The following KCNG4 variants were observed in gnomAD, a reference collection of about 807,000 sequenced individuals.
KCNG4 encodes the protein potassium voltage-gated channel modifier subfamily G member 4.
In KCNG4, 30 loss-of-function variants were observed where a neutral mutation model predicts 28.2. The observed-to-expected ratio is 1.06, with a 90% CI of 0.80 to 1.44. The LOEUF (loss-of-function observed/expected upper bound fraction) is 1.44. Ranked by LOEUF, KCNG4 falls within the 40% of genes most tolerant of loss-of-function variation. The pLI is 0.00. For missense variants in KCNG4, 879 were observed against 712.3 expected, an observed-to-expected ratio of 1.23 and a Z score of -2.66; for synonymous variants, 375 against 315.5, an observed-to-expected ratio of 1.19 and a Z score of -2.00.
chr16:84,237,614 T>C, intron 1 of KCNG4, 89 bp from the exon 2 acceptor site: 1 of 858,238 alleles, frequency 1.2e-6, no homozygotes, highest in Non-Finnish European at 1.6e-6. Flanking sequence ...CAGATGTTCT[T>C]ACGTGTGCTT....
Position 84,222,241 on chromosome 16 carries a change from T to C in KCNG4, c.1536A>G (p.Pro512=). The C allele has an allele frequency of 6.2e-7, 1 of 1,614,154 alleles. No individual in the cohort carries two copies. The stretch of plus-strand genomic sequence containing the variant: ...GTTACATGTGCATGATAGGCAAGGC[T>C]GGGCCCTCCAGGATTAGGTCATTGA... ...NDVNDLILEG[P]ALPIMHM Residue 512 remains proline (P), a synonymous_variant, in exon 3 of 3, where the codon CCA becomes CCG. Transcript: ENST00000308251.
At chr16:84,232,649 CA>C (rs981243300) in intron 2 of KCNG4, among the ~76,000 whole-genome samples, 37 of 152,154 alleles carry the variant, frequency 2.4e-4, no homozygotes, top group African/African-American at 8.9e-4. Flanking sequence ...CCTATAATCC[CA>C]ACGCTTTGGG....
chr16:84,234,750 G>A (rs1156394063), intron 2 of KCNG4, among the ~76,000 whole-genome samples: 1 of 152,208 alleles, frequency 6.6e-6, no homozygotes, highest in Non-Finnish European at 1.5e-5. Flanking sequence ...GTCCCCAGAA[G>A]CAGCTGGTCC....
chr16:84,219,091 C>G lies in KCNG4; in HGVS notation c.*3126G>C, dbSNP rs1217176577. On this transcript the variant is annotated 3_prime_UTR_variant, in exon 3 of 3. Coordinates refer to ENST00000308251, the MANE Select transcript of KCNG4 (RefSeq NM_172347.3). The stretch of plus-strand genomic sequence containing the variant: ...TTACCACTCAGTTCAAAGGGCTGGG[C>G]TGGACACTGACGGGAAGGAGAGGAG... The G allele has an allele frequency of 1.3e-5, 2 of 152,292 alleles. No individual in the cohort carries two copies. Among genetic ancestry groups the G allele is most frequent in the African/African-American group, 4.8e-5 (2 of 41,464 alleles). The allele number at this position is 152,292 out of a possible 1,614,324, so 9.4% of individuals were successfully genotyped here. A position where few individuals can be genotyped will look rare whatever the true frequency, so the allele number is the denominator to read the frequency against.
intron 2 of KCNG4, chr16:84,235,478 C>A (rs1904924606): frequency 6.6e-6 from 1 of 152,156 alleles, no homozygotes; most frequent in African/African-American, 2.4e-5. Flanking sequence ...GTCATCTTCT[C>A]CATGGGAAAA....
intron 2 of KCNG4, chr16:84,235,459 A>C (rs994802673): frequency 6.6e-5 from 10 of 152,198 alleles, no homozygotes; most frequent in African/African-American, 2.4e-4. Flanking sequence ...AATGCCTATG[A>C]TTGGCATTGT....
At chr16:84,223,262 A>G (rs969786480) in intron 2 of KCNG4, among the ~76,000 whole-genome samples, 4 of 152,224 alleles carry the variant, frequency 2.6e-5, no homozygotes, top group Non-Finnish European at 5.9e-5. Context: ...TCACCTCCGG[A>G]CTGGAAACAG....
chr16:84,237,112 C>T lies in KCNG4; in HGVS notation c.374G>A (p.Ser125Asn). 6.2e-7 allele frequency: 1 copy of T among 1,614,170 alleles called. No individual in the cohort carries two copies. The highest frequency in any genetic ancestry group is 8.5e-7 in the Non-Finnish European group (1 of 1,180,040). Residue 125 changes from serine to asparagine, a missense_variant, in exon 2 of 3, where the codon AGC becomes AAC. Ser to Asn is a conservative substitution (Grantham distance 46). Coordinates refer to ENST00000308251, the MANE Select transcript of KCNG4 (RefSeq NM_172347.3). ...RSPSAFGVIV[S>N]FLAAGKLVLL... ...CACCAGCTTCCCGGCCGCCAGGAAG[C>T]TCACGATCACCCCGAAGGCGCTGGG...
intron 2 of KCNG4, among the ~76,000 whole-genome samples, chr16:84,228,579 G>A (rs1279587748): frequency 6.7e-6 from 1 of 150,060 alleles, no homozygotes; most frequent in African/African-American, 2.5e-5. Flanking sequence ...ACCCCGAGCC[G>A]CAATCCCTCC....
chr16:84,238,230 G>A (rs1905024159), intron 1 of KCNG4, among the ~76,000 whole-genome samples: 1 of 152,186 alleles, frequency 6.6e-6, no homozygotes, highest in Non-Finnish European at 1.5e-5. Context: ...TATAGATAAG[G>A]AGGCTGACGC....
rs1203093580 is a variant in KCNG4 at position 84,220,648 on chromosome 16, C to T, written c.*1569G>A. ...CACCTGTTTTGATCTTGTGCACTTTCTTCAAGAGTCCTAGAGCCAACAGCA... is the reference window on the plus strand; with the variant it reads ...CACCTGTTTTGATCTTGTGCACTTTTTTCAAGAGTCCTAGAGCCAACAGCA... On this transcript the variant is annotated 3_prime_UTR_variant, in exon 3 of 3. Transcript: ENST00000308251. 1 of 152,288 alleles carries T rather than the reference C, an allele frequency of 6.6e-6. No individual in the cohort carries two copies. The highest frequency in any genetic ancestry group is 1.5e-5 in the Non-Finnish European group (1 of 68,076). The allele number at this position is 152,288 out of a possible 1,614,324, so 9.4% of individuals were successfully genotyped here.
At position 84,235,890 on chromosome 16, in the gene KCNG4, A is replaced by G. The variant is rs1458527206; in HGVS notation, c.756+840T>C. The G allele has an allele frequency of 2.6e-5, 4 of 152,318 alleles. No individual in the cohort carries two copies. In the East Asian group the frequency reaches 7.7e-4, roughly 29 times the overall value. 9.4% of individuals were successfully genotyped at this position (152,318 alleles called of 1,614,324 possible). A position where few individuals can be genotyped will look rare whatever the true frequency, so the allele number is the denominator to read the frequency against. ...CTAATTCTCTGTTTGAAGCTTTCCA[A>G]TAACCCTCTCAACCAAATGCTAGGT... On this transcript the variant is annotated intron_variant, in intron 2 of 2. Coordinates refer to ENST00000308251, the MANE Select transcript of KCNG4 (RefSeq NM_172347.3).
intron 1 of KCNG4, among the ~76,000 whole-genome samples, chr16:84,239,093 G>A (rs1055395222): frequency 6.6e-6 from 1 of 152,130 alleles, no homozygotes; most frequent in Non-Finnish European, 1.5e-5. Context: ...ATTTTCAGAT[G>A]CACTCCACTC....
intron 1 of KCNG4, among the ~76,000 whole-genome samples, chr16:84,237,756 A>C (rs1364552111): frequency 6.6e-6 from 1 of 152,212 alleles, no homozygotes; most frequent in Admixed American, 6.5e-5. Context: ...CCGACATCTC[A>C]GAAGGATGTC....
chr16:84,228,945 T>C (rs1904761733), intron 2 of KCNG4, among the ~76,000 whole-genome samples: 1 of 152,224 alleles, frequency 6.6e-6, no homozygotes, highest in Admixed American at 6.5e-5. Context: ...GGCCTTCACC[T>C]TGGGCGGGTT....
chr16:84,229,017 G>T (rs1397461310), intron 2 of KCNG4, among the ~76,000 whole-genome samples: 6 of 151,736 alleles, frequency 4.0e-5, no homozygotes, highest in Admixed American at 2.0e-4. Context: ...GCTGCCACTG[G>T]GCTGGGCATG....
chr16:84,236,615 T>C (rs947255095), intron 2 of KCNG4, 115 bp downstream of exon 2: 3 of 1,072,882 alleles, frequency 2.8e-6, no homozygotes, highest in South Asian at 1.7e-5. Flanking sequence ...TTGGATAATA[T>C]TCATTTTTTT....
In KCNG4 at chr16:84,222,712, C is replaced by T. The variant is rs1482003212; in HGVS notation, c.1065G>A (p.Leu355=). 2 of 1,613,218 alleles carry T rather than the reference C, an allele frequency of 1.2e-6. No homozygotes were observed. Among genetic ancestry groups the T allele is most frequent in the Non-Finnish European group, 1.7e-6 (2 of 1,179,754 alleles). ...CGGTGAGCCCCAGCGTCTGCAGCCC[C>T]AGCGAGTGGCGAGCCAGGCGCATCA... The part of the protein sequence containing the change: ...LYVMRLARHS[L]GLQTLGLTVR... Residue 355 remains leucine, a synonymous_variant, in exon 3 of 3, where the codon CTG becomes CTA. Transcript: ENST00000308251.
chr16:84,236,672 C>T, intron 2 of KCNG4, 58 bp downstream of exon 2: 1 of 1,517,738 alleles, frequency 6.6e-7, no homozygotes, highest in Non-Finnish European at 8.8e-7. Context: ...CCCTAAAAGA[C>T]ATCTCCGCCC....
Sources: allele counts gnomAD v4.1 joint callset (sites outside exome capture counted in the v4.1 genomes callset), GRCh38; gene constraint gnomAD v4.1.1; transcripts MANE v1.5; gene names NCBI Gene and HGNC (gene_info 2026-07-23, HGNC 2026-07-21).